UEVLD: variants seen among roughly 807,000 people sequenced by gnomAD.
UEVLD encodes UEV and lactate/malate dehyrogenase domains.
A neutral mutation model predicts 58.6 loss-of-function variants in UEVLD; 47 were observed. The observed-to-expected ratio is 0.80, with a 90% confidence interval of 0.63 to 1.02. The LOEUF is 1.02. Ranked by LOEUF, UEVLD falls within the 50% of genes least tolerant of loss-of-function variation. The probability of loss-of-function intolerance (pLI) is 0.00; values close to 1 mark genes in which losing one functional copy is unlikely to be tolerated. For missense variants in UEVLD, 510 were observed against 550.6 expected (o/e 0.93, Z 0.74); for synonymous variants, 197 against 195.3 (o/e 1.01, Z -0.07).
At chr11:18,532,544 C>T (rs1050289272) in intron 11 of UEVLD, 57 bp from the exon 12 acceptor site, 15 of 1,360,620 alleles carry the variant, frequency 1.1e-5, no homozygotes, top group Middle Eastern at 4.2e-4. Flanking sequence ...GAAGTTAATA[C>T]AAAAATGCAT....
intron 9 of UEVLD, among the ~76,000 whole-genome samples, chr11:18,541,514 A>C (rs1851052660): frequency 6.6e-6 from 1 of 152,332 alleles, no homozygotes; most frequent in East Asian, 1.9e-4. Context: ...TTCCAGTGTG[A>C]ATGTACTACA....
intron 8 of UEVLD, 131 bp from the exon 9 acceptor site, chr11:18,544,927 T>C (rs928855446): frequency 9.7e-6 from 5 of 515,252 alleles, no homozygotes; most frequent in African/African-American, 4.1e-5. Flanking sequence ...TGTATATATA[T>C]ACACACACAC....
intron 9 of UEVLD, among the ~76,000 whole-genome samples, chr11:18,542,099 A>G (rs2133967526): frequency 1.3e-5 from 2 of 152,296 alleles, no homozygotes; most frequent in South Asian, 4.1e-4. Context: ...AGCCTCTGAA[A>G]GTTTTTGAAA....
chr11:18,551,744 T>C (rs1851539328), intron 7 of UEVLD, among the ~76,000 whole-genome samples: 1 of 152,198 alleles, frequency 6.6e-6, no homozygotes, highest in African/African-American at 2.4e-5. Flanking sequence ...TTCCCATTTC[T>C]ATAGGTAGCC....
chr11:18,543,613 T>C (rs891916331), intron 9 of UEVLD, among the ~76,000 whole-genome samples: 4 of 152,244 alleles, frequency 2.6e-5, no homozygotes, highest in Admixed American at 6.5e-5. Context: ...TGTAAGTGTA[T>C]AGTACTCACT....
At chr11:18,583,921 A>G (rs1853403650) in intron 1 of UEVLD, among the ~76,000 whole-genome samples, 1 of 152,140 alleles carries the variant, frequency 6.6e-6, no homozygotes, top group Admixed American at 6.6e-5. Context: ...TCAGCCTCCC[A>G]AAGTGTTGAG....
intron 6 of UEVLD, chr11:18,563,499 G>A (rs995002875): frequency 2.0e-5 from 4 of 196,130 alleles, no homozygotes; most frequent in African/African-American, 9.5e-5. Context: ...GCTAAGGTGG[G>A]AGGATGGCTT....
chr11:18,548,488 T>G (rs1278842524), intron 7 of UEVLD, among the ~76,000 whole-genome samples: 3 of 152,166 alleles, frequency 2.0e-5, no homozygotes, highest in African/African-American at 7.2e-5. Flanking sequence ...TGTCCAATGG[T>G]GCAATCTCGG....
At chr11:18,565,139 A>C in intron 5 of UEVLD, 129 bp from the exon 6 acceptor site, 1 of 594,342 alleles carries the variant, frequency 1.7e-6, no homozygotes, top group Non-Finnish European at 2.9e-6. Flanking sequence ...AATGGGCAAA[A>C]AATACTACTG....
chr11:18,570,192 A>G, intron 4 of UEVLD, 22 bp downstream of exon 4: 1 of 1,564,640 alleles, frequency 6.4e-7, no homozygotes, highest in Non-Finnish European at 8.6e-7. Flanking sequence ...AGCTTTCTGT[A>G]GAAAATCCAA....
At chr11:18,561,456 G>A (rs1852027465) in intron 6 of UEVLD, among the ~76,000 whole-genome samples, 1 of 151,738 alleles carries the variant, frequency 6.6e-6, no homozygotes, top group East Asian at 1.9e-4. Flanking sequence ...AATTAACCAG[G>A]CATGGTGGCA....
At chr11:18,543,944 A>T (rs1284806697) in intron 9 of UEVLD, among the ~76,000 whole-genome samples, 2 of 152,230 alleles carry the variant, frequency 1.3e-5, no homozygotes, top group East Asian at 3.8e-4. Flanking sequence ...TCTAGGGAGA[A>T]GGTCTGAACT....
chr11:18,560,090 TACAC>T (rs71050609), intron 6 of UEVLD, among the ~76,000 whole-genome samples: 38 of 76,180 alleles, frequency 5.0e-4, no homozygotes, highest in African/African-American at 8.8e-4. Flanking sequence ...ACCCCGTCTC[TACAC>T]ACACACACAC....
chr11:18,558,227 C>A lies in UEVLD; in HGVS notation c.715+1G>T, dbSNP rs371094697. ...TACATCTTTAAGCAGAATAAACAGA[C>A]CTTTGCTGATCTCCACATTAGGAAG... is the stretch of plus-strand genomic sequence containing the variant. On this transcript the variant is annotated splice_donor_variant, in intron 7 of 11. Coordinates refer to ENST00000396197, the MANE Select transcript of UEVLD (RefSeq NM_001040697.4). LOFTEE classifies it high-confidence loss of function. 5.0e-6 allele frequency: 8 copies of A among 1,609,648 alleles called. No individual in the cohort carries two copies. Among genetic ancestry groups the A allele is most frequent in the African/African-American group, 4.0e-5 (3 of 74,782 alleles).
rs1851848784 is a variant in UEVLD, at chr11:18,558,253, G to A, written c.690C>T (p.Asn230=). The A allele has an allele frequency of 6.2e-7, 1 of 1,612,788 alleles. No homozygotes were observed. The highest frequency in any genetic ancestry group is 1.1e-5 in the South Asian group (1 of 90,684). ...KGATMDLEIF[N]LPNVEISKDL... Reference sequence around the variant, plus strand: ...CTTTGCTGATCTCCACATTAGGAAGGTTGAAGATTTCAAGGTCCATCGTGG... The same window carrying A: ...CTTTGCTGATCTCCACATTAGGAAGATTGAAGATTTCAAGGTCCATCGTGG... Residue 230 remains asparagine, a synonymous_variant, in exon 7 of 12, where the codon AAC becomes AAT. Coordinates refer to ENST00000396197, the MANE Select transcript of UEVLD (RefSeq NM_001040697.4).
chr11:18,564,891 C>A lies in UEVLD; in HGVS notation c.612+1G>T. 1 of 1,603,036 alleles carries A rather than the reference C, an allele frequency of 6.2e-7. No individual in the cohort carries two copies. The highest frequency in any genetic ancestry group is 8.5e-7 in the Non-Finnish European group (1 of 1,170,372). On this transcript the variant is annotated splice_donor_variant, in intron 6 of 11. Coordinates refer to ENST00000396197, the MANE Select transcript of UEVLD (RefSeq NM_001040697.4). LOFTEE classifies it high-confidence loss of function. ...TATTTATAACCACTATGTTTACATA[C>A]CTTTGCTGAAATTGCTAATGTGCAG...
chr11:18,574,540 A>AAT (rs1317471803), intron 3 of UEVLD, among the ~76,000 whole-genome samples: 1 of 152,208 alleles, frequency 6.6e-6, no homozygotes, highest in East Asian at 1.9e-4. Flanking sequence ...TATATAAGCA[A>AAT]CCTCTTGTGA....
rs200630865 is a variant in UEVLD, at chr11:18,564,797, C to T, written c.612+95G>A. The T allele has an allele frequency of 5.4e-5, 46 of 845,682 alleles. No individual in the cohort carries two copies. The African/African-American group carries it at 5.7e-4, about 11-fold the overall frequency. 52.4% of individuals were successfully genotyped at this position (845,682 alleles called of 1,614,324 possible). ...TTTAAGCCAAAATAAGGTTTTCCCA[C>T]GACAAAATGAAGGCATTTTTTGGTG... is the stretch of plus-strand genomic sequence containing the variant. On this transcript the variant is annotated intron_variant, in intron 6 of 11. Coordinates refer to ENST00000396197, the MANE Select transcript of UEVLD (RefSeq NM_001040697.4).
chr11:18,570,324 C>T lies in UEVLD; in HGVS notation c.247G>A (p.Ala83Thr), dbSNP rs201991675. The T allele has an allele frequency of 1.1e-4, 174 of 1,580,726 alleles. No homozygotes were observed. The highest frequency in any genetic ancestry group is 1.0e-3 in the Middle Eastern group (6 of 5,898). Reference sequence around the variant, plus strand: ...GGCTTCAAGAAGCAAATAGGGGGAGCGAAAGGGTGAGAATCCAAAATCCAG... The same window carrying T: ...GGCTTCAAGAAGCAAATAGGGGGAGTGAAAGGGTGAGAATCCAAAATCCAG... ...RFWILDSHPF[A>T]PPICFLKPTA... The change falls in exon 4 of 12, where the codon GCT becomes ACT. Residue 83 changes from alanine (A) to threonine (T), a missense_variant. Transcript: ENST00000396197.
Sources: gnomAD v4.1 joint callset for allele counts (sites outside exome capture counted in the v4.1 genomes callset) on GRCh38, gnomAD v4.1.1 for gene constraint, MANE v1.5 for transcripts, NCBI Gene and HGNC (gene_info 2026-07-23, HGNC 2026-07-21) for gene names.